PDE4D: variants seen among roughly 807,000 people sequenced by gnomAD.
PDE4D encodes phosphodiesterase 4D.
PDE4D carries 24 observed loss-of-function variants against 87.4 expected under a neutral mutation model. That is an observed-to-expected ratio of 0.27 (90% CI 0.20 to 0.39). The LOEUF (loss-of-function observed/expected upper bound fraction) is 0.39. Among genes scored for constraint, PDE4D ranks in the 10% least tolerant of loss-of-function variants. The pLI is 1.00. For synonymous variants in PDE4D, 384 were observed against 383.2 expected, an observed-to-expected ratio of 1.00 and a Z score of -0.02; for missense variants, 714 against 1,041.0, an observed-to-expected ratio of 0.69 and a Z score of 4.32.
At chr5:60,293,681 G>A (rs899379222) in intron 1 of PDE4D, among the ~76,000 whole-genome samples, 1 of 152,034 alleles carries the variant, frequency 6.6e-6, no homozygotes, top group African/African-American at 2.4e-5. Context: ...CCTAGAAATG[G>A]AATCATACCA....
chr5:59,824,952 A>T (rs1009995447), intron 1 of PDE4D, among the ~76,000 whole-genome samples: 3 of 152,158 alleles, frequency 2.0e-5, no homozygotes, highest in African/African-American at 7.2e-5. Context: ...CTTTGTCTCA[A>T]TTTCTGAAAG....
intron 1 of PDE4D, among the ~76,000 whole-genome samples, chr5:59,371,440 A>G (rs553167441): frequency 1.3e-5 from 2 of 152,344 alleles, no homozygotes; most frequent in Non-Finnish European, 2.9e-5. Context: ...CCTTTTTCCC[A>G]GTATTCAAGA....
Position 59,673,179 on chromosome 5 carries a change from A to G in PDE4D, c.455+219989T>C, listed in dbSNP as rs77464231. ...GATCTGACAATCCTTTTTTTGATGGAACAGTAAATGGCCCAACTGTTTGCC... is the reference window on the plus strand; with the variant it reads ...GATCTGACAATCCTTTTTTTGATGGGACAGTAAATGGCCCAACTGTTTGCC... On this transcript the variant is annotated intron_variant, in intron 1 of 14. Coordinates refer to ENST00000340635, the MANE Select transcript of PDE4D (RefSeq NM_001104631.2). 6.1e-4 allele frequency among the ~76,000 whole-genome samples: 93 copies of G among 152,282 alleles called. No individual in the cohort carries two copies. In the East Asian group the frequency reaches 0.013, roughly 21 times the overall value.
intron 1 of PDE4D, among the ~76,000 whole-genome samples, chr5:59,752,178 T>C (rs992517115): frequency 2.6e-5 from 4 of 152,188 alleles, no homozygotes; most frequent in African/African-American, 9.6e-5. Flanking sequence ...ATATAGTAAT[T>C]TGTACAGTGT....
chr5:60,504,166 G>T (rs1750220635), intron 1 of PDE4D, among the ~76,000 whole-genome samples: 1 of 152,110 alleles, frequency 6.6e-6, no homozygotes, highest in African/African-American at 2.4e-5. Flanking sequence ...GTCTCCTGGG[G>T]ACTATGCAAT....
intron 5 of PDE4D, among the ~76,000 whole-genome samples, chr5:59,150,058 G>C (rs1779259367): frequency 6.6e-6 from 1 of 152,108 alleles, no homozygotes; most frequent in African/African-American, 2.4e-5. Flanking sequence ...CTGTCATGTG[G>C]GAGGTCCAAA....
intron 1 of PDE4D, among the ~76,000 whole-genome samples, chr5:59,819,522 C>A (rs1188254497): frequency 2.0e-5 from 3 of 152,136 alleles, no homozygotes; most frequent in Non-Finnish European, 4.4e-5. Context: ...GTTATTTCTA[C>A]GTGATAACGT....
At chr5:59,693,413 G>A (rs377544208) in intron 1 of PDE4D, among the ~76,000 whole-genome samples, 1 of 152,072 alleles carries the variant, frequency 6.6e-6, no homozygotes, top group Non-Finnish European at 1.5e-5. Flanking sequence ...TATATTAAAA[G>A]TGGTTATTAA....
chr5:59,614,293 T>A (rs1455815991), intron 1 of PDE4D, among the ~76,000 whole-genome samples: 1 of 152,198 alleles, frequency 6.6e-6, no homozygotes, highest in Non-Finnish European at 1.5e-5. Context: ...TATATTGGAG[T>A]AAGCATCTTA....
rs1743120119 is a variant in PDE4D, at chr5:58,973,977, C to CAAGTTACTCCTTAGA, written c.*672_*686dup. On this transcript the variant is annotated 3_prime_UTR_variant, in exon 15 of 15. Coordinates refer to ENST00000340635, the MANE Select transcript of PDE4D (RefSeq NM_001104631.2). The stretch of plus-strand genomic sequence containing the variant: ...AGCACAGATTTGTACTGAAAACTTG[C>CAAGTTACTCCTTAGA]AAGTTACTCCTTAGAAAAAAATAAC... 1 of 152,456 alleles carries CAAGTTACTCCTTAGA rather than the reference C, an allele frequency of 6.6e-6. No homozygotes were observed. The highest frequency in any genetic ancestry group is 1.5e-5 in the Non-Finnish European group (1 of 67,994). The allele number at this position is 152,456 out of a possible 1,614,324, so 9.4% of individuals were successfully genotyped here. A position where few individuals can be genotyped will look rare whatever the true frequency, so the allele number is the denominator to read the frequency against.
chr5:60,114,850 A>G (rs1224844723), intron 2 of PDE4D, among the ~76,000 whole-genome samples: 2 of 151,986 alleles, frequency 1.3e-5, no homozygotes, highest in East Asian at 3.9e-4. Context: ...ATGTGTGTAT[A>G]AATACATATA....
intron 2 of PDE4D, among the ~76,000 whole-genome samples, chr5:59,194,054 G>A (rs1479093040): frequency 6.6e-6 from 1 of 152,174 alleles, no homozygotes; most frequent in African/African-American, 2.4e-5. Context: ...CCAGTGAAAT[G>A]TTCAACTGAC....
chr5:59,792,309 C>T (rs1182377816), intron 1 of PDE4D, among the ~76,000 whole-genome samples: 2 of 152,014 alleles, frequency 1.3e-5, no homozygotes, highest in Non-Finnish European at 2.9e-5. Context: ...TACGTGGCAA[C>T]GCCTACATTT....
At chr5:59,607,611 A>G (rs1279431886) in intron 1 of PDE4D, among the ~76,000 whole-genome samples, 1 of 151,972 alleles carries the variant, frequency 6.6e-6, no homozygotes, top group African/African-American at 2.4e-5. Context: ...AGGGGAGGGC[A>G]ATGTTTTTCT....
Position 59,433,881 on chromosome 5 carries a change from G to A in PDE4D, c.456-217913C>T, listed in dbSNP as rs532709424. On this transcript the variant is annotated intron_variant, in intron 1 of 14. Transcript: ENST00000340635. Reference sequence around the variant, plus strand: ...GCACAGCAATTAAAAGTAATTGCCAGCAAGCAGCAATTTCAATCCATAGGA... The same window carrying A: ...GCACAGCAATTAAAAGTAATTGCCAACAAGCAGCAATTTCAATCCATAGGA... Among the ~76,000 whole-genome samples, 4 of 152,176 alleles carry A rather than the reference G, an allele frequency of 2.6e-5. No individual in the cohort carries two copies. The South Asian group carries it at 8.3e-4, about 32-fold the overall frequency.
At chr5:59,619,416 C>A (rs1441283689) in intron 1 of PDE4D, among the ~76,000 whole-genome samples, 4 of 152,184 alleles carry the variant, frequency 2.6e-5, no homozygotes, top group Non-Finnish European at 4.4e-5. Context: ...TGAAGAAGAC[C>A]ACCAGCATAT....
intron 1 of PDE4D, among the ~76,000 whole-genome samples, chr5:59,815,755 A>G (rs57238923): frequency 0.023 from 3,558 of 152,330 alleles, 135 homozygotes; most frequent in African/African-American, 0.082. Context: ...CCTGCTGGAA[A>G]AGTGGTCTGA....
chr5:59,992,059 G>A (rs543416420), intron 2 of PDE4D, among the ~76,000 whole-genome samples: 13 of 152,236 alleles, frequency 8.5e-5, no homozygotes, highest in East Asian at 5.8e-4. Flanking sequence ...CTGGAATGCC[G>A]GAGTCTTCTG....
chr5:59,806,838 A>G (rs1767791451), intron 1 of PDE4D, among the ~76,000 whole-genome samples: 1 of 152,264 alleles, frequency 6.6e-6, no homozygotes, highest in Non-Finnish European at 1.5e-5. Flanking sequence ...TTTAGCCATT[A>G]CACAACGTGT....
Sources: allele counts gnomAD v4.1 joint callset (sites outside exome capture counted in the v4.1 genomes callset), GRCh38; gene constraint gnomAD v4.1.1; transcripts MANE v1.5; gene names NCBI Gene and HGNC (gene_info 2026-07-23, HGNC 2026-07-21).